ARHGAP29: variants seen among roughly 807,000 people sequenced by gnomAD.
ARHGAP29 encodes Rho GTPase activating protein 29, also known as rho GTPase-activating protein 29.
ARHGAP29 carries 43 observed loss-of-function variants against 122.6 expected under a neutral mutation model. The observed-to-expected ratio is 0.35, with a 90% CI of 0.27 to 0.45. ARHGAP29 has a LOEUF of 0.45. Ranked by LOEUF, ARHGAP29 falls within the 20% of genes least tolerant of loss-of-function variation. The pLI, the probability that ARHGAP29 is intolerant of heterozygous loss-of-function variation, is 1.00. For missense variants in ARHGAP29, 1,303 were observed against 1,477.2 expected, an observed-to-expected ratio of 0.88 and a Z score of 1.93; for synonymous variants, 506 against 497.1, an observed-to-expected ratio of 1.02 and a Z score of -0.24.
intron 5 of ARHGAP29, 137 bp downstream of exon 5, chr1:94,208,695 G>A: frequency 1.4e-6 from 1 of 699,194 alleles, no homozygotes; most frequent in East Asian, 3.2e-5. Context: ...CCTGACTTCA[G>A]ACAATCCGCC....
At chr1:94,201,520 CTCTCTCTCTCTCTCTCTT>C (rs1650848621) in intron 12 of ARHGAP29, among the ~76,000 whole-genome samples, 182 bp downstream of exon 12, 1 of 2,526 alleles carries the variant, frequency 4.0e-4, no homozygotes, top group Non-Finnish European at 3.9e-3. Flanking sequence ...CTCTCTCTCT[CTCTCTCTCTCTCTCTCTT>C]TCTTGATCAC....
intron 2 of ARHGAP29, among the ~76,000 whole-genome samples, chr1:94,226,742 G>A (rs188881614): frequency 6.8e-4 from 102 of 150,744 alleles, no homozygotes; most frequent in Non-Finnish European, 1.3e-3. Context: ...TTCATACTTC[G>A]TTTCTCAAAG....
intron 3 of ARHGAP29, among the ~76,000 whole-genome samples, chr1:94,217,395 G>A (rs1652012570): frequency 6.6e-6 from 1 of 152,032 alleles, no homozygotes; most frequent in Non-Finnish European, 1.5e-5. Context: ...TTAGGTGGGT[G>A]TGGTGGCACA....
chr1:94,236,022 AG>A (rs1449509817), intron 1 of ARHGAP29, among the ~76,000 whole-genome samples: 3 of 152,208 alleles, frequency 2.0e-5, no homozygotes, highest in Admixed American at 6.5e-5. Context: ...AAAAATTGCC[AG>A]ATATTTCAGA....
chr1:94,189,809 A>G lies in ARHGAP29; in HGVS notation c.1439+117T>C. 6 of 931,512 alleles carry G rather than the reference A, an allele frequency of 6.4e-6. No homozygotes were observed. The Middle Eastern group carries it at 1.6e-3, about 252-fold the overall frequency. 57.7% of individuals were successfully genotyped at this position (931,512 alleles called of 1,614,324 possible). On this transcript the variant is annotated intron_variant, in intron 13 of 22. Coordinates refer to ENST00000260526, the MANE Select transcript of ARHGAP29 (RefSeq NM_004815.4). Reference sequence around the variant, plus strand: ...CGATACCATAAAATAATATTTAAAGAACTCAGAAAATTTTTAATTTTGTCA... The same window carrying G: ...CGATACCATAAAATAATATTTAAAGGACTCAGAAAATTTTTAATTTTGTCA...
intron 1 of ARHGAP29, among the ~76,000 whole-genome samples, chr1:94,257,058 T>G (rs191665288): frequency 6.6e-6 from 1 of 152,236 alleles, no homozygotes; most frequent in East Asian, 1.9e-4. Flanking sequence ...TTCAAAGAAT[T>G]GATTTATGAT....
intron 1 of ARHGAP29, among the ~76,000 whole-genome samples, chr1:94,273,753 G>A (rs1342749140): frequency 6.6e-6 from 1 of 151,338 alleles, no homozygotes; most frequent in African/African-American, 2.4e-5. Context: ...GAAGTTTTTA[G>A]TCTTTTTTTT....
intron 1 of ARHGAP29, among the ~76,000 whole-genome samples, chr1:94,272,852 G>C (rs918852844): frequency 6.6e-6 from 1 of 152,050 alleles, no homozygotes; most frequent in Non-Finnish European, 1.5e-5. Flanking sequence ...CCTTTTTGGC[G>C]ACTGCTTCTT....
chr1:94,303,736 T>C, the ARHGAP29 span, among the ~76,000 whole-genome samples: 1 of 152,192 alleles, frequency 6.6e-6, no homozygotes, highest in Non-Finnish European at 1.5e-5. Flanking sequence ...TTCATGTTTA[T>C]AGTTGAGTAA....
chr1:94,202,538 C>T lies in ARHGAP29; in HGVS notation c.1143+6G>A, dbSNP rs777788207. ...ACTTGCAAATAAAAAAGAAAAAGAT[C>T]GTTACTTTTTGGAGAGCCTCCTCTT... On this transcript the variant is annotated splice_donor_region_variant and intron_variant, in intron 11 of 22. Coordinates refer to ENST00000260526, the MANE Select transcript of ARHGAP29 (RefSeq NM_004815.4). 54 of 1,612,576 alleles carry T rather than the reference C, an allele frequency of 3.3e-5. No individual in the cohort carries two copies. Among genetic ancestry groups the T allele is most frequent in the East Asian group, 3.1e-4 (14 of 44,878 alleles).
chr1:94,223,191 G>A (rs977735652), intron 2 of ARHGAP29, among the ~76,000 whole-genome samples: 12 of 152,126 alleles, frequency 7.9e-5, no homozygotes, highest in African/African-American at 2.4e-4. Context: ...TGATCCATCC[G>A]CCTCGGCCTC....
chr1:94,211,449 G>A (rs140998515), intron 3 of ARHGAP29, among the ~76,000 whole-genome samples: 5 of 152,180 alleles, frequency 3.3e-5, no homozygotes, highest in Admixed American at 6.5e-5. Flanking sequence ...GACAGAACGC[G>A]TAGATGGAAA....
At chr1:94,288,646 C>A in the ARHGAP29 span, among the ~76,000 whole-genome samples, 1 of 152,156 alleles carries the variant, frequency 6.6e-6, no homozygotes, top group African/African-American at 2.4e-5. Flanking sequence ...ACATTTAAGT[C>A]TTTAATCCAT....
intron 16 of ARHGAP29, among the ~76,000 whole-genome samples, chr1:94,185,724 A>C (rs1484909080): frequency 6.6e-6 from 1 of 152,172 alleles, no homozygotes; most frequent in Non-Finnish European, 1.5e-5. Context: ...ACTGCTATGA[A>C]TAATAACATG....
intron 1 of ARHGAP29, among the ~76,000 whole-genome samples, chr1:94,249,094 TG>T (rs1181981162): frequency 6.6e-6 from 1 of 152,212 alleles, no homozygotes; most frequent in East Asian, 1.9e-4. Context: ...TGGCTGTGTT[TG>T]GCAAAGAAAC....
chr1:94,294,773 C>T, the ARHGAP29 span, among the ~76,000 whole-genome samples: 158 of 152,146 alleles, frequency 1.0e-3, no homozygotes, highest in Non-Finnish European at 1.5e-3. Context: ...AGCATGGAAC[C>T]CTGGAAAATA....
chr1:94,189,490 A>G (rs1650006405), intron 13 of ARHGAP29, 138 bp from the exon 14 acceptor site: 3 of 1,051,754 alleles, frequency 2.9e-6, no homozygotes, highest in Non-Finnish European at 3.9e-6. Flanking sequence ...AACAAACCAC[A>G]CTCATGGTTC....
At chr1:94,305,333 T>C in the ARHGAP29 span, among the ~76,000 whole-genome samples, 1 of 152,180 alleles carries the variant, frequency 6.6e-6, no homozygotes, top group Non-Finnish European at 1.5e-5. Context: ...TTCTGACTGG[T>C]CAGTTTCTGT....
intron 11 of ARHGAP29, 138 bp from the exon 12 acceptor site, chr1:94,201,995 G>T: frequency 2.4e-6 from 2 of 831,446 alleles, no homozygotes; most frequent in Non-Finnish European, 3.6e-6. Flanking sequence ...AAGTTAATCT[G>T]TTCTGGTCAG....
Sources: allele counts gnomAD v4.1 joint callset (sites outside exome capture counted in the v4.1 genomes callset), GRCh38; gene constraint gnomAD v4.1.1; transcripts MANE v1.5; gene names NCBI Gene and HGNC (gene_info 2026-07-23, HGNC 2026-07-21).